Variants in ATR observed in about 807,000 individuals in gnomAD.
ATR encodes serine/threonine-protein kinase ATR.
ATR carries 142 observed loss-of-function variants against 305.3 expected under a neutral mutation model. That is an observed-to-expected ratio of 0.47 (90% CI 0.41 to 0.53). The LOEUF (loss-of-function observed/expected upper bound fraction) is 0.53, where lower values mean the gene tolerates loss of function less well. Ranked by LOEUF, ATR falls within the 20% of genes least tolerant of loss-of-function variation. The pLI, the probability that ATR is intolerant of heterozygous loss-of-function variation, is 0.00. For missense variants in ATR, 2,135 were observed against 3,133.1 expected (o/e 0.68, Z 7.60); for synonymous variants, 1,050 against 1,068.1 (o/e 0.98, Z 0.33).
chr3:142,526,450 T>C (rs1189161566), intron 21 of ATR, among the ~76,000 whole-genome samples: 2 of 152,008 alleles, frequency 1.3e-5, no homozygotes, highest in South Asian at 2.1e-4. Flanking sequence ...GTGCAGATAA[T>C]AGGAAACCTT....
intron 21 of ATR, among the ~76,000 whole-genome samples, chr3:142,527,581 G>A (rs924455998): frequency 6.6e-5 from 10 of 151,880 alleles, no homozygotes; most frequent in African/African-American, 9.7e-5. Context: ...TACCAATTTC[G>A]CTAGTTTTTT....
intron 36 of ATR, among the ~76,000 whole-genome samples, chr3:142,472,627 C>G (rs1399862278): frequency 6.6e-6 from 1 of 151,752 alleles, no homozygotes; most frequent in African/African-American, 2.4e-5. Flanking sequence ...TAATTTGTTT[C>G]CTTTTTTCTA....
At chr3:142,573,359 G>C (rs2035334809) in intron 1 of ATR, among the ~76,000 whole-genome samples, 1 of 151,192 alleles carries the variant, frequency 6.6e-6, no homozygotes, top group Non-Finnish European at 1.5e-5. Context: ...TGGCACTGAG[G>C]CAGGAGAATC....
At chr3:142,537,704 AG>A (rs2033908022) in intron 19 of ATR, among the ~76,000 whole-genome samples, 7 of 152,176 alleles carry the variant, frequency 4.6e-5, no homozygotes, top group Admixed American at 4.6e-4. Flanking sequence ...ACTTTTCACA[AG>A]CAAAGGAATG....
chr3:142,538,603 A>T lies in ATR; in HGVS notation c.3604T>A (p.Cys1202Ser), dbSNP rs2108432889. The change falls in exon 19 of 47, where the codon TGC (cysteine) becomes AGC (serine). Residue 1202 changes from cysteine to serine, a missense_variant. Transcript: ENST00000350721. ...CCRAWDCFVR[C>S]LDHACLGSLL... is the part of the protein sequence containing the mutation. ...GAGCCCAGACAAGCATGATCCAGGC[A>T]GCGAACAAAGCAGTCCCAAGCTCTA... 1 of 1,613,542 alleles carries T rather than the reference A, an allele frequency of 6.2e-7. No individual in the cohort carries two copies. Among genetic ancestry groups the T allele is most frequent in the Non-Finnish European group, 8.5e-7 (1 of 1,179,630 alleles).
At chr3:142,536,032 C>A in intron 20 of ATR, 76 bp downstream of exon 20, 2 of 1,047,680 alleles carry the variant, frequency 1.9e-6, no homozygotes, top group African/African-American at 1.6e-5. Flanking sequence ...CCTAAAGGAT[C>A]TTTATTTCAT....
chr3:142,543,169 T>A (rs2034118914), intron 16 of ATR, among the ~76,000 whole-genome samples: 2 of 152,066 alleles, frequency 1.3e-5, no homozygotes, highest in Non-Finnish European at 2.9e-5. Flanking sequence ...GGTAGAAAAG[T>A]ACGATTAAGG....
At chr3:142,472,384 A>T (rs2071306634) in intron 36 of ATR, 1 of 151,802 alleles carries the variant, frequency 6.6e-6, no homozygotes, top group Non-Finnish European at 1.5e-5. Flanking sequence ...CCTTCCCACC[A>T]ACAGTGTATA....
chr3:142,515,141 G>A (rs2032803385), intron 25 of ATR, among the ~76,000 whole-genome samples: 1 of 151,926 alleles, frequency 6.6e-6, no homozygotes, highest in African/African-American at 2.4e-5. Context: ...AATATAAAAG[G>A]AATAAATGTA....
At chr3:142,519,248 TGAG>T (rs2033038214) in intron 24 of ATR, among the ~76,000 whole-genome samples, 1 of 152,042 alleles carries the variant, frequency 6.6e-6, no homozygotes, top group South Asian at 2.1e-4. Flanking sequence ...AAAATATACA[TGAG>T]GAGATACTAA....
At chr3:142,486,171 A>AT (rs905591770) in intron 35 of ATR, among the ~76,000 whole-genome samples, 129 of 150,298 alleles carry the variant, frequency 8.6e-4, no homozygotes, top group African/African-American at 2.8e-3. Context: ...ATCACTGACA[A>AT]TTTTTTTTTT....
At chr3:142,526,328 C>T (rs1237876626) in intron 21 of ATR, among the ~76,000 whole-genome samples, 1 of 151,968 alleles carries the variant, frequency 6.6e-6, no homozygotes, top group Non-Finnish European at 1.5e-5. Context: ...ATTCTTATGT[C>T]TCTGATTATC....
intron 46 of ATR, 113 bp downstream of exon 46, chr3:142,453,014 CT>C: frequency 1.3e-6 from 2 of 1,551,258 alleles, no homozygotes; most frequent in Non-Finnish European, 1.7e-6. Context: ...TCAATAGTCA[CT>C]AACAGTATTT....
At chr3:142,480,515 G>C (rs147388567) in intron 36 of ATR, among the ~76,000 whole-genome samples, 2,725 of 152,340 alleles carry the variant, frequency 0.018, 28 homozygotes, top group South Asian at 0.041. Context: ...ATGCCTCCCA[G>C]TTAGGCTACT....
At chr3:142,529,322 G>A (rs540623466) in intron 21 of ATR, among the ~76,000 whole-genome samples, 2 of 151,990 alleles carry the variant, frequency 1.3e-5, no homozygotes, top group African/African-American at 2.4e-5. Context: ...GTTTGCCGGT[G>A]TAAAATGGTA....
Position 142,549,659 on chromosome 3 carries a change from A to G in ATR, c.2991T>C (p.Val997=), listed in dbSNP as rs778869321. ...LNRFLTRTLQ[V]LLPDLAAKAS... ...CTTTGGCAGCAAGATCAGGTAGTAGAACTTGTAATGTCCTCTGAAAAAGAA... is the reference window on the plus strand; with the variant it reads ...CTTTGGCAGCAAGATCAGGTAGTAGGACTTGTAATGTCCTCTGAAAAAGAA... Residue 997 remains valine, a synonymous_variant, in exon 15 of 47, where the codon GTT becomes GTC. Coordinates refer to ENST00000350721, the MANE Select transcript of ATR (RefSeq NM_001184.4). 6.2e-7 allele frequency: 1 copy of G among 1,613,700 alleles called. No homozygotes were observed. The highest frequency in any genetic ancestry group is 1.3e-5 in the African/African-American group (1 of 75,052).
intron 5 of ATR, among the ~76,000 whole-genome samples, chr3:142,561,013 A>G (rs1458966177): frequency 6.6e-6 from 1 of 152,262 alleles, no homozygotes; most frequent in Non-Finnish European, 1.5e-5. Context: ...TTAAAAAGTT[A>G]AATTAGATAA....
intron 21 of ATR, among the ~76,000 whole-genome samples, chr3:142,528,147 A>G (rs1305382443): frequency 2.0e-5 from 3 of 152,254 alleles, no homozygotes; most frequent in Non-Finnish European, 4.4e-5. Context: ...AACTAATACA[A>G]TAATCAATTT....
At chr3:142,494,192 T>C (rs938155815) in intron 34 of ATR, among the ~76,000 whole-genome samples, 3 of 152,210 alleles carry the variant, frequency 2.0e-5, no homozygotes, top group African/African-American at 7.2e-5. Flanking sequence ...CAAGAGGATG[T>C]CCGCAGGTTA....
Sources: gnomAD v4.1 joint callset for allele counts (sites outside exome capture counted in the v4.1 genomes callset) on GRCh38, gnomAD v4.1.1 for gene constraint, MANE v1.5 for transcripts, NCBI Gene and HGNC (gene_info 2026-07-23, HGNC 2026-07-21) for gene names.